The following GRID2 variants were observed in gnomAD, a reference collection of about 807,000 sequenced individuals.
GRID2 encodes the protein glutamate receptor ionotropic, delta-2.
A neutral mutation model predicts 114.8 loss-of-function variants in GRID2; 33 were observed. That is an observed-to-expected ratio of 0.29 (90% confidence interval 0.22 to 0.38). The LOEUF is 0.38. GRID2 is among the 10% of genes least tolerant of loss of function. The pLI, the probability that GRID2 is intolerant of heterozygous loss-of-function variation, is 1.00. For missense variants in GRID2, 1,184 were observed against 1,257.7 expected, an observed-to-expected ratio of 0.94 and a Z score of 0.89; for synonymous variants, 505 against 449.9, an observed-to-expected ratio of 1.12 and a Z score of -1.55.
chr4:92,678,728 G>A (rs932561866), intron 2 of GRID2, among the ~76,000 whole-genome samples: 2 of 151,816 alleles, frequency 1.3e-5, no homozygotes, highest in Non-Finnish European at 2.9e-5. Flanking sequence ...TGAGTTATCA[G>A]AGAGTGTAAG....
At chr4:92,727,593 G>A (rs564404340) in intron 2 of GRID2, among the ~76,000 whole-genome samples, 1 of 152,130 alleles carries the variant, frequency 6.6e-6, no homozygotes, top group African/African-American at 2.4e-5. Context: ...TATTTGTGTT[G>A]TATATGTTAC....
At chr4:93,077,161 T>C (rs570856515) in intron 2 of GRID2, among the ~76,000 whole-genome samples, 183 of 152,262 alleles carry the variant, frequency 1.2e-3, no homozygotes, top group African/African-American at 4.1e-3. Flanking sequence ...TGGCAGTAGA[T>C]ATTTCAAAAA....
At chr4:92,497,201 G>C (rs896071) in intron 1 of GRID2, among the ~76,000 whole-genome samples, 2 of 151,708 alleles carry the variant, frequency 1.3e-5, no homozygotes, top group Non-Finnish European at 3.0e-5. Flanking sequence ...CTTCCAAGGC[G>C]TCTTTGAAGG....
intron 2 of GRID2, among the ~76,000 whole-genome samples, chr4:93,079,749 ATTC>A (rs2149316123): frequency 6.6e-6 from 1 of 152,184 alleles, no homozygotes; most frequent in African/African-American, 2.4e-5. Context: ...TAAATGTTTA[ATTC>A]TTCTCAGGTT....
chr4:93,497,078 G>T (rs1727624949), intron 12 of GRID2, among the ~76,000 whole-genome samples: 1 of 151,454 alleles, frequency 6.6e-6, no homozygotes. Context: ...CTTGCTGATA[G>T]GTATGTGGTG....
chr4:93,150,198 C>T (rs781090361), intron 4 of GRID2, among the ~76,000 whole-genome samples: 1 of 152,148 alleles, frequency 6.6e-6, no homozygotes, highest in South Asian at 2.1e-4. Context: ...TCTAGTTGTA[C>T]ATATTTAAAT....
chr4:92,395,450 T>A (rs1272019283), intron 1 of GRID2, among the ~76,000 whole-genome samples: 1 of 151,818 alleles, frequency 6.6e-6, no homozygotes, highest in Non-Finnish European at 1.5e-5. Context: ...CATTACTTAA[T>A]ATCTATTAAA....
intron 2 of GRID2, among the ~76,000 whole-genome samples, chr4:92,922,462 C>A (rs548114335): frequency 6.6e-6 from 1 of 152,214 alleles, no homozygotes; most frequent in South Asian, 2.1e-4. Flanking sequence ...TAGACTGGTG[C>A]TGTTCCTATT....
chr4:92,827,763 A>G (rs1012223662), intron 2 of GRID2, among the ~76,000 whole-genome samples: 1 of 152,074 alleles, frequency 6.6e-6, no homozygotes, highest in Admixed American at 6.6e-5. Flanking sequence ...AGATGGATAT[A>G]AGCACTTTCC....
intron 2 of GRID2, among the ~76,000 whole-genome samples, chr4:92,624,274 A>G (rs370896512): frequency 6.6e-6 from 1 of 151,906 alleles, no homozygotes; most frequent in African/African-American, 2.4e-5. Flanking sequence ...ATTAAGTATA[A>G]GAGAGGAACT....
At chr4:92,863,882 A>C (rs1292902175) in intron 2 of GRID2, among the ~76,000 whole-genome samples, 2 of 152,116 alleles carry the variant, frequency 1.3e-5, no homozygotes, top group African/African-American at 2.4e-5. Flanking sequence ...ATTAGAGTGA[A>C]AAGGATTCAT....
At chr4:92,484,585 AATTTTATATAAT>A (rs1722775530) in intron 1 of GRID2, among the ~76,000 whole-genome samples, 1 of 152,114 alleles carries the variant, frequency 6.6e-6, no homozygotes, top group Admixed American at 6.6e-5. Context: ...AAGCCAACAT[AATTTTATATAAT>A]ATTTTATATA....
chr4:93,486,462 C>T (rs72886248), intron 11 of GRID2, among the ~76,000 whole-genome samples: 5,535 of 151,512 alleles, frequency 0.037, 321 homozygotes, highest in African/African-American at 0.12. Context: ...ATGTATGATA[C>T]TTGATATAGA....
At chr4:93,085,980 A>T (rs1730298824) in intron 3 of GRID2, among the ~76,000 whole-genome samples, 1 of 152,102 alleles carries the variant, frequency 6.6e-6, no homozygotes, top group Non-Finnish European at 1.5e-5. Context: ...ACAAAATAAT[A>T]TTTTTGTTTA....
At chr4:93,054,463 T>C (rs1727035357) in intron 2 of GRID2, among the ~76,000 whole-genome samples, 1 of 151,944 alleles carries the variant, frequency 6.6e-6, no homozygotes, top group Admixed American at 6.6e-5. Context: ...GGAAAGTCAT[T>C]GTATATTTGT....
chr4:92,871,592 T>A (rs1380141852), intron 2 of GRID2, among the ~76,000 whole-genome samples: 1 of 152,128 alleles, frequency 6.6e-6, no homozygotes, highest in Non-Finnish European at 1.5e-5. Context: ...GTACTGACAC[T>A]CATGAGTCAA....
chr4:93,779,794 T>C (rs1156598376), intron 1 of GRID2, among the ~76,000 whole-genome samples: 1 of 152,066 alleles, frequency 6.6e-6, no homozygotes, highest in Admixed American at 6.5e-5. Flanking sequence ...AGGACAAGCG[T>C]TGGGAAGAAT....
At chr4:92,649,075 C>G (rs1339823533) in intron 2 of GRID2, among the ~76,000 whole-genome samples, 1 of 1,994 alleles carries the variant, frequency 5.0e-4, no homozygotes, top group Non-Finnish European at 1.2e-3. Context: ...AACCACTTTA[C>G]TAAAAGTTAA....
intron 14 of GRID2, among the ~76,000 whole-genome samples, chr4:93,722,340 T>C (rs886926902): frequency 6.6e-6 from 1 of 152,144 alleles, no homozygotes; most frequent in African/African-American, 2.4e-5. Flanking sequence ...GATGAGAGAA[T>C]CAAGGAAATT....
Sources: gnomAD v4.1 joint callset for allele counts (sites outside exome capture counted in the v4.1 genomes callset) on GRCh38, gnomAD v4.1.1 for gene constraint, MANE v1.5 for transcripts, NCBI Gene and HGNC (gene_info 2026-07-23, HGNC 2026-07-21) for gene names.